The following BZW2 variants were observed in gnomAD, a reference collection of about 807,000 sequenced individuals.
BZW2 encodes basic leucine zipper and W2 domains 2, also known as eIF5-mimic protein 1.
Under a neutral mutation model 53.2 loss-of-function variants are expected in BZW2, and 23 were observed. The ratio of observed to expected loss-of-function variants is 0.43; its 90% CI spans 0.31 to 0.61. BZW2 has a LOEUF of 0.61. BZW2 is among the 20% of genes least tolerant of loss of function. The pLI, the probability that BZW2 is intolerant of heterozygous loss-of-function variation, is 0.09. For synonymous variants in BZW2, 227 were observed against 186.4 expected, an observed-to-expected ratio of 1.22 and a Z score of -1.77; for missense variants, 409 against 503.1, an observed-to-expected ratio of 0.81 and a Z score of 1.79.
chr7:16,656,551 GCGCGCACACA>G (rs1213010118), intron 1 of BZW2, among the ~76,000 whole-genome samples: 9 of 112,316 alleles, frequency 8.0e-5, no homozygotes, highest in African/African-American at 3.2e-4. Flanking sequence ...CCCAGCGCGC[GCGCGCACACA>G]CACACACACA....
At chr7:16,653,376 A>C (rs1277061636) in intron 1 of BZW2, among the ~76,000 whole-genome samples, 1 of 152,052 alleles carries the variant, frequency 6.6e-6, no homozygotes, top group African/African-American at 2.4e-5. Flanking sequence ...TACTTTAATA[A>C]CTTGTCTTCT....
chr7:16,698,549 C>T (rs1336591192), intron 10 of BZW2, among the ~76,000 whole-genome samples: 1 of 152,180 alleles, frequency 6.6e-6, no homozygotes, highest in Admixed American at 6.5e-5. Flanking sequence ...ATATTATGTT[C>T]AGACTCTTTT....
intron 1 of BZW2, among the ~76,000 whole-genome samples, chr7:16,660,383 G>A (rs1782223295): frequency 6.9e-6 from 1 of 145,418 alleles, no homozygotes; most frequent in East Asian, 2.0e-4. Context: ...CTGGGTGACA[G>A]AGCGAGACTC....
At chr7:16,688,255 C>T (rs1456283602) in intron 6 of BZW2, among the ~76,000 whole-genome samples, 1 of 152,186 alleles carries the variant, frequency 6.6e-6, no homozygotes, top group African/African-American at 2.4e-5. Flanking sequence ...AAGTATTTTT[C>T]TCCTGTTATC....
chr7:16,654,513 C>T (rs958656956), intron 1 of BZW2, among the ~76,000 whole-genome samples: 12 of 132,780 alleles, frequency 9.0e-5, no homozygotes, highest in Admixed American at 1.5e-4. Flanking sequence ...TATATAACCC[C>T]CCCCCCCCAA....
At position 16,655,064 on chromosome 7, in the gene BZW2, G is replaced by C. The variant is rs575339948; in HGVS notation, c.-8+8776G>C. 1.3e-4 allele frequency among the ~76,000 whole-genome samples: 20 copies of C among 152,040 alleles called. No homozygotes were observed. The South Asian group carries it at 4.2e-3, about 32-fold the overall frequency. On this transcript the variant is annotated intron_variant, in intron 1 of 11. Transcript: ENST00000258761. ...TTCAGTATTTTGTCATAAAAACCTGGTTGGACACACCAGATAGCTTCAAAG... is the reference window on the plus strand; with the variant it reads ...TTCAGTATTTTGTCATAAAAACCTGCTTGGACACACCAGATAGCTTCAAAG...
intron 1 of BZW2, among the ~76,000 whole-genome samples, chr7:16,655,734 CT>C (rs546632443): frequency 2.6e-3 from 401 of 152,196 alleles, no homozygotes; most frequent in Non-Finnish European, 4.8e-3. Context: ...GTGATACCAA[CT>C]TTTTTAGATT....
At chr7:16,674,204 G>A (rs1477822848) in intron 2 of BZW2, among the ~76,000 whole-genome samples, 2 of 152,026 alleles carry the variant, frequency 1.3e-5, no homozygotes, top group African/African-American at 2.4e-5. Context: ...CCGGCCTACA[G>A]TAACTTATTT....
chr7:16,700,537 G>C (rs1783633648), intron 10 of BZW2, among the ~76,000 whole-genome samples: 1 of 152,158 alleles, frequency 6.6e-6, no homozygotes, highest in Admixed American at 6.5e-5. Context: ...CAGAGAGCTT[G>C]TTATAAAACA....
chr7:16,693,522 C>G (rs1269942172), intron 7 of BZW2, among the ~76,000 whole-genome samples: 1 of 152,194 alleles, frequency 6.6e-6, no homozygotes, highest in African/African-American at 2.4e-5. Context: ...GCACACAGCT[C>G]TGTTCTTAAA....
intron 1 of BZW2, among the ~76,000 whole-genome samples, chr7:16,657,032 A>T (rs1782142132): frequency 6.6e-6 from 1 of 152,048 alleles, no homozygotes; most frequent in Admixed American, 6.6e-5. Context: ...TATCCAAGAA[A>T]CTTTGGTTTC....
chr7:16,659,746 G>T (rs768820530), intron 1 of BZW2, among the ~76,000 whole-genome samples: 1 of 152,068 alleles, frequency 6.6e-6, no homozygotes, highest in Non-Finnish European at 1.5e-5. Flanking sequence ...CTGCAGTGAA[G>T]TGTCTCAATT....
intron 4 of BZW2, among the ~76,000 whole-genome samples, chr7:16,681,677 C>G (rs818506): frequency 0.022 from 3,384 of 151,980 alleles, 51 homozygotes; most frequent in African/African-American, 0.047. Flanking sequence ...CTAAAAAATA[C>G]AAAAATTAGC....
At chr7:16,690,244 C>A (rs954992830) in intron 7 of BZW2, among the ~76,000 whole-genome samples, 18 of 151,868 alleles carry the variant, frequency 1.2e-4, no homozygotes, top group Admixed American at 4.6e-4. Context: ...GCTCTGTCAC[C>A]CAGGCTGGAG....
At chr7:16,686,064 C>T in intron 6 of BZW2, 24 bp downstream of exon 6, 1 of 1,609,900 alleles carries the variant, frequency 6.2e-7, no homozygotes, top group Non-Finnish European at 8.5e-7. Context: ...TGTTTTCTCG[C>T]CTGTCAGACA....
intron 5 of BZW2, among the ~76,000 whole-genome samples, chr7:16,684,058 A>G (rs1783040026): frequency 2.0e-5 from 3 of 152,260 alleles, no homozygotes; most frequent in African/African-American, 7.2e-5. Context: ...GTATTGAAAA[A>G]TAGCCTAAAT....
intron 1 of BZW2, among the ~76,000 whole-genome samples, chr7:16,661,664 T>G (rs1226954191): frequency 6.6e-6 from 1 of 152,140 alleles, no homozygotes; most frequent in East Asian, 1.9e-4. Context: ...TCTTATCGCC[T>G]TCTTTTACCT....
At chr7:16,672,644 T>A (rs1481083217) in intron 2 of BZW2, among the ~76,000 whole-genome samples, 2 of 152,178 alleles carry the variant, frequency 1.3e-5, no homozygotes, top group Non-Finnish European at 2.9e-5. Flanking sequence ...AAGGGTGATG[T>A]CCTTTGAGTT....
At chr7:16,663,281 T>C (rs1312492387) in intron 1 of BZW2, among the ~76,000 whole-genome samples, 1 of 152,236 alleles carries the variant, frequency 6.6e-6, no homozygotes, top group Non-Finnish European at 1.5e-5. Flanking sequence ...AACTATTACA[T>C]TGTGTTGCAA....
Sources: gnomAD v4.1 joint callset for allele counts (sites outside exome capture counted in the v4.1 genomes callset) on GRCh38, gnomAD v4.1.1 for gene constraint, MANE v1.5 for transcripts, NCBI Gene and HGNC (gene_info 2026-07-23, HGNC 2026-07-21) for gene names.